PROM1: variants seen among roughly 807,000 people sequenced by gnomAD.
The protein encoded by PROM1 is prominin-1.
PROM1 carries 105 observed loss-of-function variants against 116.9 expected under a neutral mutation model. The ratio of observed to expected loss-of-function variants is 0.90; its 90% CI spans 0.77 to 1.06. The LOEUF (loss-of-function observed/expected upper bound fraction) is 1.06, where lower values mean the gene tolerates loss of function less well. Among genes scored for constraint, PROM1 ranks in the 50% least tolerant of loss-of-function variants. The probability of loss-of-function intolerance (pLI) is 0.00; values close to 1 mark genes in which losing one functional copy is unlikely to be tolerated. For missense variants in PROM1, 1,122 were observed against 1,045.2 expected (o/e 1.07, Z -1.01); for synonymous variants, 393 against 387.0 (o/e 1.02, Z -0.18).
chr4:16,044,373 C>T lies in PROM1; in HGVS notation c.221-5372G>A, dbSNP rs78121528. On this transcript the variant is annotated intron_variant, in intron 2 of 27. Transcript: ENST00000447510. Reference sequence around the variant, plus strand: ...ATCAGATTTGTGCCAAGCTTAAGTGCTCTTGGAAAGATTTTGCTGATAGTG... The same window carrying T: ...ATCAGATTTGTGCCAAGCTTAAGTGTTCTTGGAAAGATTTTGCTGATAGTG... Among the ~76,000 whole-genome samples, 930 of 152,330 alleles carry T rather than the reference C, an allele frequency of 6.1e-3. 6 individuals carry two copies. The highest frequency in any genetic ancestry group is 0.021 in the African/African-American group (887 of 41,562).
chr4:16,021,876 A>G (rs1729988719), intron 8 of PROM1, among the ~76,000 whole-genome samples: 2 of 152,154 alleles, frequency 1.3e-5, no homozygotes. Flanking sequence ...TCTCCCCCAG[A>G]TTCGTATGTT....
intron 2 of PROM1, among the ~76,000 whole-genome samples, chr4:16,050,434 T>C (rs78156455): frequency 6.6e-6 from 1 of 152,334 alleles, no homozygotes; most frequent in East Asian, 1.9e-4. Flanking sequence ...GCTCACTGCA[T>C]ACATGATCTC....
chr4:16,013,179 GT>G, intron 11 of PROM1, 95 bp downstream of exon 11: 2 of 995,598 alleles, frequency 2.0e-6, no homozygotes, highest in East Asian at 2.4e-5. Flanking sequence ...ATGAGAAACT[GT>G]TTTTTTAAGA....
Position 15,980,551 on chromosome 4 carries a change from AT to A in PROM1, c.2374-15del. On this transcript the variant is annotated splice_polypyrimidine_tract_variant and intron_variant, in intron 23 of 27. Transcript: ENST00000447510. Reference sequence around the variant, plus strand: ...CCAAAACAAATTCTAGGAAAAAAAAATCAGAAGAATTAAATGTTTGAAGATA... The same window carrying A: ...CCAAAACAAATTCTAGGAAAAAAAAACAGAAGAATTAAATGTTTGAAGATA... The A allele has an allele frequency of 6.9e-7, 1 of 1,452,928 alleles. No individual in the cohort carries two copies. The highest frequency in any genetic ancestry group is 9.4e-7 in the Non-Finnish European group (1 of 1,061,826). The allele number at this position is 1,452,928 out of a possible 1,614,324, so 90.0% of individuals were successfully genotyped here.
Position 16,013,284 on chromosome 4 carries a change from C to T in PROM1, c.1132G>A (p.Val378Ile), listed in dbSNP as rs769193625. 6.2e-6 allele frequency: 10 copies of T among 1,606,342 alleles called. No individual in the cohort carries two copies. The highest frequency in any genetic ancestry group is 3.3e-5 in the Admixed American group (2 of 59,994). ...PDRVQRQTTT[V>I]VAGIKRVLNS... is the part of the protein sequence containing the mutation. ...AAACTGTGAATCTCACCTGCTACGA[C>T]AGTCGTGGTTTGGCGTTGTACTCTG... Residue 378 changes from valine (V) to isoleucine (I), a missense_variant, in exon 11 of 28, where the codon GTC becomes ATC. By Grantham distance (29) the Val-to-Ile change is conservative. Transcript: ENST00000447510.
chr4:16,081,937 G>A (rs1274370562), intron 1 of PROM1, among the ~76,000 whole-genome samples: 1 of 151,660 alleles, frequency 6.6e-6, no homozygotes, highest in East Asian at 1.9e-4. Context: ...ATAAACTAAA[G>A]GGCACTGCTG....
chr4:15,988,247 G>T (rs1720002379), intron 19 of PROM1, among the ~76,000 whole-genome samples: 1 of 152,186 alleles, frequency 6.6e-6, no homozygotes, highest in African/African-American at 2.4e-5. Flanking sequence ...TCCTAAAGCT[G>T]TGAAGAACAG....
intron 1 of PROM1, among the ~76,000 whole-genome samples, chr4:16,076,824 C>T (rs958138771): frequency 2.6e-5 from 4 of 152,194 alleles, no homozygotes; most frequent in Admixed American, 2.0e-4. Context: ...GTGCTGTGTC[C>T]ACTCACGGTT....
intron 11 of PROM1, among the ~76,000 whole-genome samples, chr4:16,012,843 C>G (rs75169594): frequency 0.016 from 2,405 of 146,412 alleles, 48 homozygotes; most frequent in East Asian, 0.12. Flanking sequence ...TGCATTCCAG[C>G]CTGAGCGACA....
At position 16,009,206 on chromosome 4, in the gene PROM1, T is replaced by A. The variant is rs1450343372; in HGVS notation, c.1142-98A>T. 5.0e-6 allele frequency: 5 copies of A among 1,001,670 alleles called. No homozygotes were observed. The East Asian group carries it at 1.3e-4, about 25-fold the overall frequency. 62.0% of individuals were successfully genotyped at this position (1,001,670 alleles called of 1,614,324 possible). ...AGAAAAGCCTGAACCACCTTTAGTT[T>A]TTCTCATGTCATGTATGTGTTTAAA... On this transcript the variant is annotated intron_variant, in intron 11 of 27. Coordinates refer to ENST00000447510, the MANE Select transcript of PROM1 (RefSeq NM_006017.3).
intron 26 of PROM1, among the ~76,000 whole-genome samples, chr4:15,978,202 GTTTA>G (rs1168444932): frequency 6.6e-6 from 1 of 152,150 alleles, no homozygotes; most frequent in African/African-American, 2.4e-5. Context: ...AAACCCTGAT[GTTTA>G]TAAGCTACCC....
rs1218104618 is a variant in PROM1, at chr4:15,984,247, A to G, written c.2373+16T>C. The G allele has an allele frequency of 1.3e-6, 2 of 1,548,242 alleles. No homozygotes were observed. The highest frequency in any genetic ancestry group is 1.8e-6 in the Non-Finnish European group (2 of 1,126,988). ...GATGGATTCATTGTGTCTTCTTTTG[A>G]AAGATGAAATCTTACCAAGGGGTCG... is the stretch of plus-strand genomic sequence containing the variant. On this transcript the variant is annotated intron_variant, in intron 23 of 27. Transcript: ENST00000447510.
chr4:15,993,022 T>G (rs1228314642), intron 16 of PROM1, among the ~76,000 whole-genome samples: 2 of 152,174 alleles, frequency 1.3e-5, no homozygotes, highest in Non-Finnish European at 2.9e-5. Context: ...CACAGAGAAG[T>G]GACCCACAGC....
At chr4:16,036,827 CTTTG>C (rs917764144) in intron 3 of PROM1, among the ~76,000 whole-genome samples, 6 of 152,132 alleles carry the variant, frequency 3.9e-5, no homozygotes, top group Admixed American at 2.0e-4. Flanking sequence ...CCTTTGGTGC[CTTTG>C]TTTAATTAAC....
intron 5 of PROM1, among the ~76,000 whole-genome samples, chr4:16,026,629 T>C (rs1280080999): frequency 1.3e-5 from 2 of 152,192 alleles, no homozygotes; most frequent in African/African-American, 2.4e-5. Flanking sequence ...TAAAATCCCA[T>C]GTCCCATTTC....
Position 16,013,256 on chromosome 4 carries a change from C to T in PROM1, c.1141+19G>A. 2 of 1,586,456 alleles carry T rather than the reference C, an allele frequency of 1.3e-6. No homozygotes were observed. The highest frequency in any genetic ancestry group is 8.7e-7 in the Non-Finnish European group (1 of 1,154,994). On this transcript the variant is annotated intron_variant, in intron 11 of 27. Coordinates refer to ENST00000447510, the MANE Select transcript of PROM1 (RefSeq NM_006017.3). Reference sequence around the variant, plus strand: ...ACTGACCTACCAATCACAAAATCACCTCAAACTGTGAATCTCACCTGCTAC... The same window carrying T: ...ACTGACCTACCAATCACAAAATCACTTCAAACTGTGAATCTCACCTGCTAC...
At chr4:16,053,226 A>G (rs1738274116) in intron 2 of PROM1, among the ~76,000 whole-genome samples, 1 of 152,198 alleles carries the variant, frequency 6.6e-6, no homozygotes, top group South Asian at 2.1e-4. Flanking sequence ...CATCTGTACT[A>G]CTTTTGCAAT....
In PROM1 at chr4:16,018,424, A is replaced by G. The variant is rs754564204; in HGVS notation, c.901T>C (p.Ser301Pro). ...ACCAAGCACAGAGGGTCATTGAGAGATGACCGCAGGCTAGTTTTCACGCTG... is the reference window on the plus strand; with the variant it reads ...ACCAAGCACAGAGGGTCATTGAGAGGTGACCGCAGGCTAGTTTTCACGCTG... ...LTSVKTSLRS[S>P]LNDPLCLVHP... Residue 301 changes from serine to proline, a missense_variant, in exon 9 of 28, where the codon TCT (serine) becomes CCT (proline). By Grantham distance (74) the Ser-to-Pro change is moderately conservative. Coordinates refer to ENST00000447510, the MANE Select transcript of PROM1 (RefSeq NM_006017.3). 1.2e-6 allele frequency: 2 copies of G among 1,613,768 alleles called. No individual in the cohort carries two copies. The highest frequency in any genetic ancestry group is 2.2e-5 in the East Asian group (1 of 44,896).
At chr4:16,040,129 A>G (rs544063292) in intron 2 of PROM1, among the ~76,000 whole-genome samples, 2 of 152,332 alleles carry the variant, frequency 1.3e-5, no homozygotes, top group East Asian at 3.9e-4. Flanking sequence ...GAAACACTAC[A>G]TCAACTCCTT....
Sources: allele counts gnomAD v4.1 joint callset (sites outside exome capture counted in the v4.1 genomes callset), GRCh38; gene constraint gnomAD v4.1.1; transcripts MANE v1.5; gene names NCBI Gene and HGNC (gene_info 2026-07-23, HGNC 2026-07-21).